LINC01488: variants seen among roughly 807,000 people sequenced by gnomAD.
LINC01488 encodes long independently transcribed non-coding RNA 1488, also known as CCND1-upstream intergenic DNA repair 1.
intron 1 of LINC01488, among the ~76,000 whole-genome samples, chr11:69,489,658 C>T (rs867212484): frequency 1.3e-5 from 2 of 152,252 alleles, no homozygotes; most frequent in Admixed American, 1.3e-4. Flanking sequence ...GGCCGAGAGG[C>T]GTCCATAGGC....
At chr11:69,483,925 G>C (rs996586030) in intron 1 of LINC01488, among the ~76,000 whole-genome samples, 21 of 152,210 alleles carry the variant, frequency 1.4e-4, no homozygotes, top group Admixed American at 6.5e-5. Flanking sequence ...CTTCAAAGAA[G>C]AGCCTTTGTC....
intron 3 of LINC01488, chr11:69,491,623 G>T (rs1324648138): frequency 6.6e-6 from 1 of 152,608 alleles, no homozygotes. Context: ...GGATATGCTA[G>T]CCCTGTGTTC....
chr11:69,489,120 C>G (rs536818371), intron 1 of LINC01488, among the ~76,000 whole-genome samples: 3 of 152,192 alleles, frequency 2.0e-5, no homozygotes, highest in Non-Finnish European at 4.4e-5. Context: ...GGCCCCCAAA[C>G]GCCCCTCGGA....
intron 1 of LINC01488, among the ~76,000 whole-genome samples, chr11:69,489,162 AG>A (rs1857174146): frequency 6.6e-6 from 1 of 152,044 alleles, no homozygotes; most frequent in Non-Finnish European, 1.5e-5. Flanking sequence ...ATCACATGTC[AG>A]GGAGCAGTCC....
intron 1 of LINC01488, among the ~76,000 whole-genome samples, chr11:69,484,651 T>G (rs1037336734): frequency 6.6e-6 from 1 of 152,210 alleles, no homozygotes; most frequent in Non-Finnish European, 1.5e-5. Flanking sequence ...AGGACACCCC[T>G]CTGACTCTGC....
At chr11:69,486,265 C>T (rs1857114600) in intron 1 of LINC01488, 1 of 152,274 alleles carries the variant, frequency 6.6e-6, no homozygotes, top group African/African-American at 2.4e-5. Flanking sequence ...AAATCCTGCC[C>T]GTGGAGGGGT....
chr11:69,486,289 C>T (rs1388404675), intron 1 of LINC01488: 3 of 152,298 alleles, frequency 2.0e-5, no homozygotes, highest in African/African-American at 7.2e-5. Context: ...TGCCCTGCCC[C>T]ACTCGGACCA....
chr11:69,489,532 A>G (rs1295972131), intron 1 of LINC01488, among the ~76,000 whole-genome samples: 1 of 152,188 alleles, frequency 6.6e-6, no homozygotes, highest in Non-Finnish European at 1.5e-5. Context: ...CCCATGTGGT[A>G]TTTTTAGCCC....
At chr11:69,493,094 A>G (rs1279585049) in exon 4 of LINC01488, 1 of 152,202 alleles carries the variant, frequency 6.6e-6, no homozygotes, top group Non-Finnish European at 1.5e-5. Flanking sequence ...GCTCTGTGTG[A>G]GATTTGTCAG....
exon 4 of LINC01488, chr11:69,492,695 A>G (rs612611): frequency 0.18 from 27,905 of 152,198 alleles, 2,982 homozygotes; most frequent in African/African-American, 0.28. Context: ...GAACCGTGAG[A>G]TAACACGTGT....
chr11:69,482,277 C>G (rs368158909), intron 1 of LINC01488, among the ~76,000 whole-genome samples: 88 of 152,306 alleles, frequency 5.8e-4, no homozygotes, highest in Middle Eastern at 6.8e-3. Context: ...ACCATGAGAA[C>G]AGTATGGGGT....
chr11:69,483,199 A>G (rs1590867779), intron 1 of LINC01488, among the ~76,000 whole-genome samples: 1 of 152,180 alleles, frequency 6.6e-6, no homozygotes, highest in East Asian at 1.9e-4. Context: ...CTGCTTTTCC[A>G]CGGTCTGGAG....
chr11:69,489,092 C>T (rs982220221), intron 1 of LINC01488, among the ~76,000 whole-genome samples: 5 of 152,226 alleles, frequency 3.3e-5, no homozygotes, highest in African/African-American at 4.8e-5. Flanking sequence ...CCATTCAGAA[C>T]CTGCACACCA....
chr11:69,484,200 C>T (rs572805575), intron 1 of LINC01488, among the ~76,000 whole-genome samples: 45 of 152,296 alleles, frequency 3.0e-4, no homozygotes, highest in African/African-American at 1.1e-3. Context: ...TCAGAACACT[C>T]AGCCAAGAAA....
intron 1 of LINC01488, among the ~76,000 whole-genome samples, chr11:69,488,904 C>T (rs1857169415): frequency 1.3e-5 from 2 of 152,230 alleles, no homozygotes; most frequent in African/African-American, 4.8e-5. Context: ...TGACACGCGT[C>T]TCTCCTTCCT....
At position 69,489,707 on chromosome 11, in the gene LINC01488, G is replaced by T. The variant is rs190742759; in HGVS notation, n.123-788G>T. Among the ~76,000 whole-genome samples the T allele has an allele frequency of 2.8e-3, 421 of 152,324 alleles. 1 individual carries two copies. Among genetic ancestry groups the T allele is most frequent in the Non-Finnish European group, 4.5e-3 (304 of 68,020 alleles). On this transcript the variant is annotated intron_variant and non_coding_transcript_variant, in intron 1 of 3. Coordinates refer to ENST00000644563, the Ensembl canonical transcript of LINC01488. ...GCAGGGACAGGGGCAGGTCTCATTT[G>T]CAAAATCAAAAAGGCACAATCCAAT...
chr11:69,488,891 C>G (rs973761110), intron 1 of LINC01488, among the ~76,000 whole-genome samples: 1 of 152,208 alleles, frequency 6.6e-6, no homozygotes, highest in African/African-American at 2.4e-5. Context: ...ACAGCCGTAG[C>G]CTTGACACGC....
intron 1 of LINC01488, among the ~76,000 whole-genome samples, chr11:69,484,023 G>A (rs1857077200): frequency 1.3e-5 from 2 of 152,348 alleles, no homozygotes; most frequent in South Asian, 4.1e-4. Context: ...CACACGGGCA[G>A]CTCCCGCTCT....
intron 1 of LINC01488, among the ~76,000 whole-genome samples, chr11:69,488,636 C>T (rs1031675065): frequency 4.6e-5 from 7 of 152,238 alleles, no homozygotes; most frequent in African/African-American, 9.6e-5. Flanking sequence ...TGCCGCCTGT[C>T]GGGGGCGATC....
Sources: gnomAD v4.1 joint callset for allele counts (sites outside exome capture counted in the v4.1 genomes callset) on GRCh38, gnomAD v4.1.1 for gene constraint, MANE v1.5 for transcripts, NCBI Gene and HGNC (gene_info 2026-07-23, HGNC 2026-07-21) for gene names.